FGD5: variants seen among roughly 807,000 people sequenced by gnomAD.
The protein encoded by FGD5 is FYVE, RhoGEF and PH domain-containing protein 5.
In FGD5, 28 loss-of-function variants were observed where a neutral mutation model predicts 133.4. That is an observed-to-expected ratio of 0.21 (90% confidence interval 0.16 to 0.29). FGD5 has a LOEUF of 0.29. FGD5 is among the 10% of genes least tolerant of loss of function. The probability of loss-of-function intolerance (pLI) is 1.00; values close to 1 mark genes in which losing one functional copy is unlikely to be tolerated. For synonymous variants in FGD5, 810 were observed against 776.5 expected, an observed-to-expected ratio of 1.04 and a Z score of -0.72; for missense variants, 1,858 against 1,895.2, an observed-to-expected ratio of 0.98 and a Z score of 0.36.
Position 14,842,734 on chromosome 3 carries a change from A to T in FGD5, c.2525+21138A>T, listed in dbSNP as rs2036947537. Reference sequence around the variant, plus strand: ...ATCTTCCCTGTTGGTGGCTGTGTGTATGCTTTCCTGTTGCAATTCCTGCTA... The same window carrying T: ...ATCTTCCCTGTTGGTGGCTGTGTGTTTGCTTTCCTGTTGCAATTCCTGCTA... On this transcript the variant is annotated intron_variant, in intron 1 of 19. Transcript: ENST00000285046. 3.9e-5 allele frequency among the ~76,000 whole-genome samples: 6 copies of T among 152,286 alleles called. No homozygotes were observed. In the South Asian group the frequency reaches 1.2e-3, roughly 32 times the overall value.
At chr3:14,825,282 A>G (rs1302926176) in intron 1 of FGD5, among the ~76,000 whole-genome samples, 1 of 152,138 alleles carries the variant, frequency 6.6e-6, no homozygotes, top group Admixed American at 6.5e-5. Flanking sequence ...ATGGTATACA[A>G]AAGAAGGTTT....
In FGD5 at chr3:14,922,284, A is replaced by C. The variant is rs913652337; in HGVS notation, c.3670-127A>C. The C allele has an allele frequency of 2.2e-6, 3 of 1,367,930 alleles. No individual in the cohort carries two copies. Among genetic ancestry groups the C allele is most frequent in the South Asian group, 1.4e-5 (1 of 72,464 alleles). The allele number at this position is 1,367,930 out of a possible 1,614,324, so 84.7% of individuals were successfully genotyped here. ...CTGGAGGGTGCAGGAGAGGCCTTTCACATCAGACCCACTCACCCACACATC... is the reference window on the plus strand; with the variant it reads ...CTGGAGGGTGCAGGAGAGGCCTTTCCCATCAGACCCACTCACCCACACATC... On this transcript the variant is annotated intron_variant, in intron 14 of 19. Coordinates refer to ENST00000285046, the MANE Select transcript of FGD5 (RefSeq NM_152536.4). This position sits in a 1 kb window ranked among gnomAD's most constrained non-coding sequence, Gnocchi z 4.1.
At position 14,820,019 on chromosome 3, in the gene FGD5, A is replaced by G. The variant is rs1359854496; in HGVS notation, c.948A>G (p.Ala316=). The G allele has an allele frequency of 1.9e-6, 3 of 1,613,998 alleles. No homozygotes were observed. Among genetic ancestry groups the G allele is most frequent in the Non-Finnish European group, 2.5e-6 (3 of 1,179,886 alleles). The change falls in exon 1 of 20, where the codon GCA becomes GCG. Residue 316 remains alanine, a synonymous_variant. Coordinates refer to ENST00000285046, the MANE Select transcript of FGD5 (RefSeq NM_152536.4). The part of the protein sequence containing the change: ...EVAAATLEDH[A]QDESAEESCQ... ...CAGCCGCCACCCTGGAGGACCATGC[A>G]CAGGATGAGTCCGCCGAGGAGAGCT...
At chr3:14,812,924 G>A (rs1301921163) in intron 1 of FGD5, among the ~76,000 whole-genome samples, 1 of 152,154 alleles carries the variant, frequency 6.6e-6, no homozygotes, top group East Asian at 1.9e-4. Context: ...ACTTCTATCA[G>A]TTTATTTAGT....
rs549766229 is a variant in FGD5 at position 14,916,283 on chromosome 3, A to G, written c.3406-966A>G. Among the ~76,000 whole-genome samples the G allele has an allele frequency of 4.6e-5, 7 of 152,324 alleles. No individual in the cohort carries two copies. In the East Asian group the frequency reaches 1.4e-3, roughly 29 times the overall value. On this transcript the variant is annotated intron_variant, in intron 11 of 19. Coordinates refer to ENST00000285046, the MANE Select transcript of FGD5 (RefSeq NM_152536.4). ...CATAGTCTCAACGCTGGTCCATAAT[A>G]TGGTCAGGATTTACAACCCTGAGCG...
chr3:14,872,004 C>A (rs78171024), intron 2 of FGD5, among the ~76,000 whole-genome samples: 1 of 152,134 alleles, frequency 6.6e-6, no homozygotes, highest in Non-Finnish European at 1.5e-5. Flanking sequence ...CCATACTTGC[C>A]GAACCCAGAT....
intron 1 of FGD5, among the ~76,000 whole-genome samples, chr3:14,850,344 C>T (rs962407639): frequency 1.3e-5 from 2 of 152,244 alleles, no homozygotes; most frequent in African/African-American, 4.8e-5. Context: ...GCTTCTCCCT[C>T]TCCCACCCCT....
chr3:14,846,100 G>C (rs547217440), intron 1 of FGD5, among the ~76,000 whole-genome samples: 1 of 152,176 alleles, frequency 6.6e-6, no homozygotes, highest in Non-Finnish European at 1.5e-5. Flanking sequence ...GTTTCATGTC[G>C]GAATTATCTC....
intron 1 of FGD5, among the ~76,000 whole-genome samples, chr3:14,858,964 ATTTG>A (rs1305519090): frequency 6.6e-6 from 1 of 151,992 alleles, no homozygotes; most frequent in Non-Finnish European, 1.5e-5. Flanking sequence ...GAACGTTTTG[ATTTG>A]TTTATTTTAC....
intron 12 of FGD5, 96 bp from the exon 13 acceptor site, chr3:14,918,658 G>C (rs1292206171): frequency 3.2e-6 from 4 of 1,245,720 alleles, no homozygotes; most frequent in Non-Finnish European, 4.7e-6. Flanking sequence ...GGCAGTAGGT[G>C]GACATGGTCC....
chr3:14,880,466 A>C, intron 2 of FGD5, 106 bp from the exon 3 acceptor site: 1 of 952,486 alleles, frequency 1.0e-6, no homozygotes, highest in Non-Finnish European at 1.6e-6. Flanking sequence ...AATGAGTGCC[A>C]GGAAATGGTC....
At chr3:14,929,305 A>G (rs2038864619) in intron 18 of FGD5, among the ~76,000 whole-genome samples, 1 of 152,164 alleles carries the variant, frequency 6.6e-6, no homozygotes, top group Non-Finnish European at 1.5e-5. Context: ...TGCTTTAAAC[A>G]TTTTCATACA....
intron 18 of FGD5, among the ~76,000 whole-genome samples, chr3:14,927,093 C>T (rs1008594357): frequency 2.6e-5 from 4 of 152,158 alleles, no homozygotes; most frequent in Admixed American, 6.5e-5. Flanking sequence ...GAAGAAATTG[C>T]TTTGGAGCCA....
chr3:14,833,532 A>G (rs1200906323), intron 1 of FGD5, among the ~76,000 whole-genome samples: 2 of 152,158 alleles, frequency 1.3e-5, no homozygotes, highest in African/African-American at 4.8e-5. Flanking sequence ...GCTCCCCATC[A>G]TGATCAGTAA....
intron 1 of FGD5, among the ~76,000 whole-genome samples, chr3:14,863,033 C>G (rs1290743669): frequency 6.6e-6 from 1 of 152,202 alleles, no homozygotes; most frequent in East Asian, 1.9e-4. Flanking sequence ...CTGATGTCCC[C>G]CACCCGCCTC....
upstream of FGD5, chr3:14,810,760 G>A: frequency 2.1e-6 from 2 of 971,418 alleles, no homozygotes; most frequent in Non-Finnish European, 2.4e-6. Flanking sequence ...GGGCCCCGCG[G>A]GGCGGCCGCG....
chr3:14,907,809 A>T, intron 10 of FGD5, 98 bp downstream of exon 10: 6 of 1,247,786 alleles, frequency 4.8e-6, no homozygotes, highest in Non-Finnish European at 6.8e-6. Flanking sequence ...GCCTGGCTGC[A>T]GGTGCTGTCT....
In FGD5 at chr3:14,923,043, C is replaced by T. The variant is rs770097600; in HGVS notation, c.3808-3C>T. On this transcript the variant is annotated splice_region_variant and splice_polypyrimidine_tract_variant and intron_variant, in intron 15 of 19. Transcript: ENST00000285046. Reference sequence around the variant, plus strand: ...GTGAGAATCTTCCCACCTGGGCCTGCAGATCGTGTGCCGGAACTGTTCGCG... The same window carrying T: ...GTGAGAATCTTCCCACCTGGGCCTGTAGATCGTGTGCCGGAACTGTTCGCG... 8.7e-6 allele frequency: 14 copies of T among 1,613,672 alleles called. No homozygotes were observed. In the South Asian group the frequency reaches 1.4e-4, roughly 16 times the overall value.
At position 14,820,261 on chromosome 3, in the gene FGD5, G is replaced by A. The variant is rs1264619687; in HGVS notation, c.1190G>A (p.Cys397Tyr). 1 of 1,605,016 alleles carries A rather than the reference G, an allele frequency of 6.2e-7. No individual in the cohort carries two copies. Among genetic ancestry groups the A allele is most frequent in the African/African-American group, 1.3e-5 (1 of 74,866 alleles). Residue 397 changes from cysteine (C) to tyrosine (Y), a missense_variant, in exon 1 of 20, where the codon TGT becomes TAT. Around this residue, in one of 3 missense-constraint regions of FGD5, gnomAD observed 1,824 missense variants for 1,848.9 expected, o/e 0.99. Coordinates refer to ENST00000285046, the MANE Select transcript of FGD5 (RefSeq NM_152536.4). ...NPMVGALCGQ[C>Y]GSLQGGAAEG... ...ATGGTGGGGGCTTTGTGTGGCCAGT[G>A]TGGCTCCCTACAGGGTGGAGCGGCC...
Sources: allele counts gnomAD v4.1 joint callset (sites outside exome capture counted in the v4.1 genomes callset), GRCh38; gene constraint gnomAD v4.1.1; regional missense constraint gnomAD v4.1.1; non-coding constraint Gnocchi (gnomAD v3.1); transcripts MANE v1.5; gene names NCBI Gene and HGNC (gene_info 2026-07-23, HGNC 2026-07-21).